XDH: variants seen among roughly 807,000 people sequenced by gnomAD.
XDH encodes xanthine dehydrogenase, also known as xanthine dehydrogenase/oxidase.
Under a neutral mutation model 156.1 loss-of-function variants are expected in XDH, and 138 were observed. That is an observed-to-expected ratio of 0.88 (90% CI 0.77 to 1.02). The LOEUF (loss-of-function observed/expected upper bound fraction) is 1.02. Ranked by LOEUF, XDH falls within the 50% of genes least tolerant of loss-of-function variation. XDH has a pLI of 0.00. For missense variants in XDH, 1,849 were observed against 1,684.9 expected, an observed-to-expected ratio of 1.10 and a Z score of -1.71; for synonymous variants, 669 against 625.7, an observed-to-expected ratio of 1.07 and a Z score of -1.03.
rs1686002783 is a variant in XDH at position 31,369,117 on chromosome 2, C to T, written c.1981-457G>A. The stretch of plus-strand genomic sequence containing the variant: ...CCCCAGTTTTATTTTCTTTTCACCT[C>T]ACCACTCTCTTTTATGTTCTATTTC... On this transcript the variant is annotated intron_variant, in intron 18 of 35. Coordinates refer to ENST00000379416, the MANE Select transcript of XDH (RefSeq NM_000379.4). Among the ~76,000 whole-genome samples the T allele has an allele frequency of 2.6e-5, 4 of 152,136 alleles. No homozygotes were observed. The South Asian group carries it at 8.3e-4, about 32-fold the overall frequency.
chr2:31,412,023 T>C (rs1163380201), intron 1 of XDH, among the ~76,000 whole-genome samples: 1 of 152,106 alleles, frequency 6.6e-6, no homozygotes, highest in Non-Finnish European at 1.5e-5. Context: ...GACACTCACT[T>C]CTTGTGGGGA....
chr2:31,400,572 A>G (rs1390700271), intron 4 of XDH, among the ~76,000 whole-genome samples: 1 of 152,058 alleles, frequency 6.6e-6, no homozygotes, highest in Non-Finnish European at 1.5e-5. Flanking sequence ...CAGCATCCTG[A>G]TTGTCTCCCC....
intron 1 of XDH, among the ~76,000 whole-genome samples, chr2:31,411,412 C>T (rs1237469887): frequency 6.6e-6 from 1 of 151,454 alleles, no homozygotes; most frequent in Non-Finnish European, 1.5e-5. Flanking sequence ...TAATTATGTA[C>T]ATTAATATAT....
rs754404192 is a variant in XDH, at chr2:31,383,798, T to C, written c.843A>G (p.Pro281=). 8 of 1,614,140 alleles carry C rather than the reference T, an allele frequency of 5.0e-6. No homozygotes were observed. Among genetic ancestry groups the C allele is most frequent in the Non-Finnish European group, 6.8e-6 (8 of 1,180,028 alleles). The change falls in exon 10 of 36, where the codon CCA becomes CCG. Residue 281 remains proline, a synonymous_variant. Coordinates refer to ENST00000379416, the MANE Select transcript of XDH (RefSeq NM_000379.4). The part of the protein sequence containing the change: ...KNMLFPMIVC[P]AWIPELNSVE... ...CCGAATTCAGCTCAGGGATCCAGGC[T>C]GGGCAGACAATCATAGGAAACAGCA... is the stretch of plus-strand genomic sequence containing the variant.
At chr2:31,371,169 G>A (rs1686061085) in intron 17 of XDH, among the ~76,000 whole-genome samples, 1 of 152,192 alleles carries the variant, frequency 6.6e-6, no homozygotes, top group Non-Finnish European at 1.5e-5. Context: ...AAGGATAACA[G>A]TCTCAACTAT....
chr2:31,387,113 G>A (rs937779719), intron 8 of XDH, among the ~76,000 whole-genome samples: 7 of 152,170 alleles, frequency 4.6e-5, no homozygotes, highest in African/African-American at 9.7e-5. Context: ...GGCTGAGAAC[G>A]AAGCCCTCAA....
At chr2:31,395,255 C>T (rs974289084) in intron 6 of XDH, among the ~76,000 whole-genome samples, 9 of 152,094 alleles carry the variant, frequency 5.9e-5, no homozygotes, top group East Asian at 1.9e-4. Context: ...ACTTCACAAG[C>T]GCTTCTCAGG....
intron 4 of XDH, among the ~76,000 whole-genome samples, chr2:31,400,170 C>A (rs1250486489): frequency 6.6e-6 from 1 of 152,024 alleles, no homozygotes; most frequent in Admixed American, 6.6e-5. Flanking sequence ...AGCTCCATCG[C>A]CTGAATGACA....
At chr2:31,404,211 G>C (rs1237703367) in intron 2 of XDH, among the ~76,000 whole-genome samples, 1 of 152,102 alleles carries the variant, frequency 6.6e-6, no homozygotes, top group Admixed American at 6.5e-5. Context: ...CCTTCATCAC[G>C]CTCCTTCCTC....
In XDH at chr2:31,342,207, G is replaced by T. The variant is rs776413773; in HGVS notation, c.3495C>A (p.Ile1165=). The T allele has an allele frequency of 6.2e-7, 1 of 1,614,014 alleles. No homozygotes were observed. The highest frequency in any genetic ancestry group is 8.5e-7 in the Non-Finnish European group (1 of 1,179,970). ...SYGVACSEVE[I]DCLTGDHKNL... is the part of the protein sequence containing the mutation. ...CCTTATGATCTCCTGTTAGGCAGTCGATTTCTACTTCAGAGCAAGCCACCC... is the reference window on the plus strand; with the variant it reads ...CCTTATGATCTCCTGTTAGGCAGTCTATTTCTACTTCAGAGCAAGCCACCC... The change falls in exon 32 of 36, where the codon ATC becomes ATA. Residue 1165 remains isoleucine (I), a synonymous_variant. Coordinates refer to ENST00000379416, the MANE Select transcript of XDH (RefSeq NM_000379.4).
At chr2:31,406,106 T>C (rs1166472602) in intron 1 of XDH, 142 bp from the exon 2 acceptor site, 2 of 942,388 alleles carry the variant, frequency 2.1e-6, no homozygotes, top group South Asian at 1.4e-5. Flanking sequence ...CCCCTCTAAA[T>C]CTCATGTTTA....
At position 31,403,004 on chromosome 2, in the gene XDH, A is replaced by G. The variant is rs529385244; in HGVS notation, c.197+44T>C. The G allele has an allele frequency of 2.4e-5, 39 of 1,608,738 alleles. 2 individuals are homozygous for G. The South Asian group carries it at 4.2e-4, about 17-fold the overall frequency. ...GCACTCCCTCACAAGCTGGTCCTGC[A>G]TCGCAGCCCCCATGTGGGTGGTCAG... On this transcript the variant is annotated intron_variant, in intron 3 of 35. Transcript: ENST00000379416.
chr2:31,364,583 G>A lies in XDH; in HGVS notation c.2545-339C>T, dbSNP rs45554736. On this transcript the variant is annotated intron_variant, in intron 23 of 35. Transcript: ENST00000379416. ...GGTCACGATAGGGCGGGGGGGAAGC[G>A]CAGGGAAGAGAAACTAGGAAAGATA... Among the ~76,000 whole-genome samples the A allele has an allele frequency of 4.6e-3, 703 of 152,172 alleles. 5 individuals carry two copies. The highest frequency in any genetic ancestry group is 0.015 in the African/African-American group (606 of 41,492).
At chr2:31,356,121 GA>G (rs1278884910) in intron 24 of XDH, among the ~76,000 whole-genome samples, 1 of 152,126 alleles carries the variant, frequency 6.6e-6, no homozygotes, top group African/African-American at 2.4e-5. Flanking sequence ...AAAAAGATAT[GA>G]AGTAAAGACT....
Position 31,344,672 on chromosome 2 carries a change from C to T in XDH, c.3404+12G>A. ...CACACTATGAGCTGGGCAAGGACAA[C>T]ACCATACTTACCTATAAAACCCAGT... On this transcript the variant is annotated intron_variant, in intron 31 of 35. Transcript: ENST00000379416. 1.9e-6 allele frequency: 3 copies of T among 1,614,100 alleles called. No homozygotes were observed. The highest frequency in any genetic ancestry group is 1.7e-6 in the Non-Finnish European group (2 of 1,180,018).
chr2:31,335,781 C>T lies in XDH; in HGVS notation c.*177G>A. The T allele has an allele frequency of 1.4e-6, 1 of 721,244 alleles. No homozygotes were observed. The highest frequency in any genetic ancestry group is 2.4e-6 in the Non-Finnish European group (1 of 416,360). The allele number at this position is 721,244 out of a possible 1,614,324, so 44.7% of individuals were successfully genotyped here. A position where few individuals can be genotyped will look rare whatever the true frequency, so the allele number is the denominator to read the frequency against. ...TTGAATTTGCTTATCATTGTGTTTA[C>T]AAATTACATTTTTGATCAAAATCTT... On this transcript the variant is annotated 3_prime_UTR_variant, in exon 36 of 36. Coordinates refer to ENST00000379416, the MANE Select transcript of XDH (RefSeq NM_000379.4).
intron 6 of XDH, among the ~76,000 whole-genome samples, chr2:31,395,188 C>A (rs1176327763): frequency 6.6e-6 from 1 of 152,056 alleles, no homozygotes; most frequent in Non-Finnish European, 1.5e-5. Flanking sequence ...GGAGAAGTAT[C>A]CTATAGTCCT....
chr2:31,368,334 T>C (rs1685977732), intron 19 of XDH, among the ~76,000 whole-genome samples: 2 of 152,144 alleles, frequency 1.3e-5, no homozygotes, highest in Non-Finnish European at 2.9e-5. Context: ...AAGGAGGAAC[T>C]CAGTTTGGCT....
At chr2:31,389,537 G>A (rs928955975) in intron 6 of XDH, 4 of 152,180 alleles carry the variant, frequency 2.6e-5, no homozygotes, top group Non-Finnish European at 5.9e-5. Flanking sequence ...TCTTGGAGAA[G>A]GAGTGATGTA....
Sources: allele counts gnomAD v4.1 joint callset (sites outside exome capture counted in the v4.1 genomes callset), GRCh38; gene constraint gnomAD v4.1.1; transcripts MANE v1.5; gene names NCBI Gene and HGNC (gene_info 2026-07-23, HGNC 2026-07-21).